SH3GLB2: variants seen among roughly 807,000 people sequenced by gnomAD.
The protein encoded by SH3GLB2 is endophilin-B2.
A neutral mutation model predicts 48.0 loss-of-function variants in SH3GLB2; 24 were observed. The observed-to-expected ratio is 0.50, with a 90% confidence interval of 0.36 to 0.70. The LOEUF (loss-of-function observed/expected upper bound fraction) is 0.70, where lower values mean the gene tolerates loss of function less well. SH3GLB2 is among the 30% of genes least tolerant of loss of function. SH3GLB2 has a pLI of 0.00. For missense variants in SH3GLB2, 425 were observed against 516.0 expected, an observed-to-expected ratio of 0.82 and a Z score of 1.71; for synonymous variants, 227 against 207.6, an observed-to-expected ratio of 1.09 and a Z score of -0.80.
intron 9 of SH3GLB2, 36 bp from the exon 10 acceptor site, chr9:129,009,382 C>G: frequency 1.3e-6 from 2 of 1,550,834 alleles, no homozygotes; most frequent in Non-Finnish European, 8.7e-7. Flanking sequence ...AGGTGGGAGT[C>G]CCAGAAGGGA....
At chr9:129,010,795 C>T in intron 6 of SH3GLB2, 102 bp from the exon 7 acceptor site, 2 of 1,419,526 alleles carry the variant, frequency 1.4e-6, no homozygotes, top group Non-Finnish European at 1.9e-6. Context: ...CAACTTCTGC[C>T]CCCCTGCCCC....
chr9:129,012,918 C>T, intron 5 of SH3GLB2: 1 of 1,515,912 alleles, frequency 6.6e-7, no homozygotes. Context: ...GCAAAATGCC[C>T]CAAGGACGTG....
intron 3 of SH3GLB2, among the ~76,000 whole-genome samples, chr9:129,016,951 CTTT>C (rs766780203): frequency 9.8e-5 from 11 of 112,384 alleles, no homozygotes; most frequent in Admixed American, 1.0e-4. Context: ...ATACTCTGCT[CTTT>C]TTTTTTTTTT....
intron 3 of SH3GLB2, among the ~76,000 whole-genome samples, chr9:129,018,814 C>A (rs1480659574): frequency 4.0e-5 from 6 of 151,182 alleles, no homozygotes; most frequent in Admixed American, 2.0e-4. Context: ...ATGGCATGAA[C>A]CCGGGAGGAG....
intron 8 of SH3GLB2, 104 bp downstream of exon 8, chr9:129,010,016 G>T: frequency 7.2e-7 from 1 of 1,394,308 alleles, no homozygotes; most frequent in Non-Finnish European, 1.0e-6. Context: ...GGTGGGACTT[G>T]CTCTGTGAGG....
Position 129,008,560 on chromosome 9 carries a change from G to T in SH3GLB2, c.*124C>A. 1 of 734,358 alleles carries T rather than the reference G, an allele frequency of 1.4e-6. No homozygotes were observed. Among genetic ancestry groups the T allele is most frequent in the Non-Finnish European group, 2.3e-6 (1 of 430,288 alleles). The allele number at this position is 734,358 out of a possible 1,614,324, so 45.5% of individuals were successfully genotyped here. On this transcript the variant is annotated 3_prime_UTR_variant, in exon 11 of 11. Transcript: ENST00000372564. The stretch of plus-strand genomic sequence containing the variant: ...CTCACAGCTAGGTGACTAGGGGCAG[G>T]GACAGAATGGGGTGAATTCTCCCCA...
chr9:129,021,624 G>A (rs574462998), intron 2 of SH3GLB2, among the ~76,000 whole-genome samples: 12 of 151,290 alleles, frequency 7.9e-5, no homozygotes, highest in East Asian at 2.0e-4. Context: ...GGTGTGCTCC[G>A]GGCAGTCCCT....
chr9:129,024,256 C>CAAAAAAAA, intron 1 of SH3GLB2, among the ~76,000 whole-genome samples: 1 of 54,518 alleles, frequency 1.8e-5, no homozygotes, highest in Non-Finnish European at 3.3e-5. Context: ...CTCCTCTCTA[C>CAAAAAAAA]AAAAAAAAAA....
chr9:129,009,346 T>C lies in SH3GLB2; in HGVS notation c.840A>G (p.Arg280=). The C allele has an allele frequency of 6.5e-7, 1 of 1,547,996 alleles. No homozygotes were observed. Among genetic ancestry groups the C allele is most frequent in the African/African-American group, 1.4e-5 (1 of 73,066 alleles). ...HMLDLQKQLG[R]FPGTFVGTTE... ...TGGTGCCCACGAAGGTGCCGGGAAA[T>C]CTGGAGAGGAGGGATACATCTTAGC... Residue 280 remains arginine, a splice_region_variant and synonymous_variant, in exon 10 of 11, where the codon AGA becomes AGG. Transcript: ENST00000372564.
At position 129,025,611 on chromosome 9, in the gene SH3GLB2, G is replaced by GAGGAAGGAAGGA. The variant is rs11269158; in HGVS notation, c.63+2469_63+2480dup. Among the ~76,000 whole-genome samples the GAGGAAGGAAGGA allele has an allele frequency of 2.0e-3, 240 of 120,032 alleles. 3 individuals are homozygous for GAGGAAGGAAGGA. Among genetic ancestry groups the GAGGAAGGAAGGA allele is most frequent in the African/African-American group, 6.8e-3 (203 of 29,646 alleles). 78.7% of individuals were successfully genotyped at this position (120,032 alleles called of 152,430 possible). A position where few individuals can be genotyped will look rare whatever the true frequency, so the allele number is the denominator to read the frequency against. ...AGAAGAAAGGAGAGAGGGACTAAGGGAGGAAGGAAGGAAGGCAGGCAGGCA... is the reference window on the plus strand; with the variant it reads ...AGAAGAAAGGAGAGAGGGACTAAGGGAGGAAGGAAGGAAGGAAGGAAGGAAGGCAGGCAGGCA... On this transcript the variant is annotated intron_variant, in intron 1 of 10. Coordinates refer to ENST00000372564, the MANE Select transcript of SH3GLB2 (RefSeq NM_020145.4).
At chr9:129,013,088 G>A in intron 5 of SH3GLB2, 1 of 1,535,784 alleles carries the variant, frequency 6.5e-7, no homozygotes, top group Non-Finnish European at 8.8e-7. Context: ...CACAGCGCAG[G>A]CAGGAGCAGG....
intron 1 of SH3GLB2, among the ~76,000 whole-genome samples, chr9:129,027,165 C>T (rs1359808616): frequency 1.3e-5 from 2 of 152,150 alleles, no homozygotes; most frequent in African/African-American, 4.8e-5. Flanking sequence ...AAGGGGAGGG[C>T]GGGGCTCTGA....
In SH3GLB2 at chr9:129,014,473, G is replaced by A. The variant is rs1302444958; in HGVS notation, c.499C>T (p.Leu167=). 1 of 1,551,042 alleles carries A rather than the reference G, an allele frequency of 6.4e-7. No homozygotes were observed. Among genetic ancestry groups the A allele is most frequent in the Non-Finnish European group, 8.7e-7 (1 of 1,147,096 alleles). Residue 167 remains leucine, a synonymous_variant, in exon 5 of 11, where the codon CTG becomes TTG. Transcript: ENST00000372564. This position sits in a 1 kb window ranked among gnomAD's most constrained non-coding sequence, Gnocchi z 4.1. ...CTCGCTTTGCAGGCATCCAAGTCCA[G>A]ACGCCGGTTTTGGAGGAGCCGCCTC... The part of the protein sequence containing the change: ...KERRLLQNRR[L]DLDACKARLK...
chr9:129,009,277 A>C lies in SH3GLB2; in HGVS notation c.909T>G (p.Thr303=). 6.4e-7 allele frequency: 1 copy of C among 1,567,532 alleles called. No homozygotes were observed. The highest frequency in any genetic ancestry group is 8.7e-7 in the Non-Finnish European group (1 of 1,155,554). ...GCACCACAGGCATAGTGGCCGCAGC[A>C]GTGGTGGGTGAGGTGCTGCTCAGGG... ...SPPLSSTSPT[T]AAATMPVVPS... Residue 303 remains threonine (T), a synonymous_variant, in exon 10 of 11, where the codon ACT becomes ACG. Transcript: ENST00000372564.
At chr9:129,009,976 G>T in intron 8 of SH3GLB2, 105 bp from the exon 9 acceptor site, 2 of 1,383,334 alleles carry the variant, frequency 1.4e-6, no homozygotes, top group Non-Finnish European at 2.0e-6. Context: ...GCATTCCAGG[G>T]TGCCCTGCCC....
At position 129,014,346 on chromosome 9, in the gene SH3GLB2, G is replaced by A; in HGVS notation, c.561+65C>T. 2.1e-6 allele frequency: 3 copies of A among 1,453,834 alleles called. No individual in the cohort carries two copies. The highest frequency in any genetic ancestry group is 2.4e-4 in the Middle Eastern group (1 of 4,224). 90.1% of individuals were successfully genotyped at this position (1,453,834 alleles called of 1,614,324 possible). On this transcript the variant is annotated intron_variant, in intron 5 of 10. Coordinates refer to ENST00000372564, the MANE Select transcript of SH3GLB2 (RefSeq NM_020145.4). The surrounding 1 kb of genome is among the most constrained non-coding windows in gnomAD (Gnocchi z 4.1). The stretch of plus-strand genomic sequence containing the variant: ...CATGCCAAATACCAGGTCCCTTCAT[G>A]CCACCACCCCTTGGCTCCAGCCAGA...
intron 1 of SH3GLB2, among the ~76,000 whole-genome samples, chr9:129,026,648 C>T (rs1212542800): frequency 6.6e-6 from 1 of 152,152 alleles, no homozygotes; most frequent in Non-Finnish European, 1.5e-5. Flanking sequence ...AGGCCCTGCC[C>T]TGCCTAGGTC....
At chr9:129,018,891 C>CAAA (rs200724894) in intron 3 of SH3GLB2, among the ~76,000 whole-genome samples, 1 of 85,168 alleles carries the variant, frequency 1.2e-5, no homozygotes, top group Non-Finnish European at 2.4e-5. Flanking sequence ...GACTCCATCT[C>CAAA]AAAAAAAAAA....
At position 129,018,817 on chromosome 9, in the gene SH3GLB2, G is replaced by A. The variant is rs1041837545; in HGVS notation, c.334+2274C>T. The stretch of plus-strand genomic sequence containing the variant: ...TGAGGCAGGAGAATGGCATGAACCC[G>A]GGAGGAGGAGCTTGCAGTGAGTCGA... On this transcript the variant is annotated intron_variant, in intron 3 of 10. Coordinates refer to ENST00000372564, the MANE Select transcript of SH3GLB2 (RefSeq NM_020145.4). Among the ~76,000 whole-genome samples, 10 of 150,012 alleles carry A rather than the reference G, an allele frequency of 6.7e-5. No homozygotes were observed. The East Asian group carries it at 1.4e-3, about 21-fold the overall frequency.
Sources: allele counts gnomAD v4.1 joint callset (sites outside exome capture counted in the v4.1 genomes callset), GRCh38; gene constraint gnomAD v4.1.1; non-coding constraint Gnocchi (gnomAD v3.1); transcripts MANE v1.5; gene names NCBI Gene and HGNC (gene_info 2026-07-23, HGNC 2026-07-21).